Variants in ANP32B observed in about 807,000 individuals in gnomAD.
ANP32B encodes the protein acidic leucine-rich nuclear phosphoprotein 32 family member B.
A neutral mutation model predicts 32.2 loss-of-function variants in ANP32B; 6 were observed. The observed-to-expected ratio is 0.19, with a 90% CI of 0.10 to 0.37. The LOEUF (loss-of-function observed/expected upper bound fraction) is 0.37. Ranked by LOEUF, ANP32B falls within the 10% of genes least tolerant of loss-of-function variation. ANP32B has a pLI of 1.00. For missense variants in ANP32B, 204 were observed against 289.2 expected (o/e 0.71, Z 2.14); for synonymous variants, 98 against 105.8 (o/e 0.93, Z 0.45).
rs761343165 is a variant in ANP32B, at chr9:98,011,379, T to G, written c.626T>G (p.Val209Gly). 3.8e-6 allele frequency: 6 copies of G among 1,583,510 alleles called. No homozygotes were observed. In the South Asian group the frequency reaches 6.9e-5, roughly 18 times the overall value. The change falls in exon 5 of 7, where the codon GTC (valine) becomes GGC (glycine). Residue 209 changes from valine (V) to glycine (G), a missense_variant. Coordinates refer to ENST00000339399, the MANE Select transcript of ANP32B (RefSeq NM_006401.3). ...DVEGDEDDDE[V>G]SEEEEEFGLD... ...GAAGGGGATGAGGACGACGATGAAG[T>G]CAGTGAGGAGGTCAGTGCAGCTGTT...
At chr9:97,997,160 T>C (rs1827918864) in intron 2 of ANP32B, among the ~76,000 whole-genome samples, 1 of 152,214 alleles carries the variant, frequency 6.6e-6, no homozygotes, top group Admixed American at 6.5e-5. Context: ...ATCTCTGTTT[T>C]TATTTTGATT....
At chr9:97,988,117 G>C (rs111444442) in intron 1 of ANP32B, among the ~76,000 whole-genome samples, 1 of 151,674 alleles carries the variant, frequency 6.6e-6, no homozygotes, top group African/African-American at 2.4e-5. Context: ...TAATCCAAAT[G>C]CTAGCTAGCT....
chr9:98,011,338 TGAAGATGAA>T lies in ANP32B; in HGVS notation c.588_596del (p.Glu196_Glu198del), dbSNP rs1373982700. On this transcript the variant is annotated inframe_deletion, in exon 5 of 7. Coordinates refer to ENST00000339399, the MANE Select transcript of ANP32B (RefSeq NM_006401.3). ...AAGAGGAGTTTGATGAAGAAGATGA[TGAAGATGAA>T]GATGTAGAAGGGGATGAGGACGACG... The T allele has an allele frequency of 2.6e-6, 4 of 1,550,178 alleles. No individual in the cohort carries two copies. The highest frequency in any genetic ancestry group is 3.5e-6 in the Non-Finnish European group (4 of 1,142,116).
rs535109796 is a variant in ANP32B, at chr9:97,999,102, C to G, written c.327+424C>G. On this transcript the variant is annotated intron_variant, in intron 3 of 6. Transcript: ENST00000339399. ...GATTACAGGCGTGAGCCACCGCGCC[C>G]GGCCGAAAGTGGTGGCTTTTTACTT... Among the ~76,000 whole-genome samples the G allele has an allele frequency of 8.1e-5, 2 of 24,658 alleles. 1 individual carries two copies. The highest frequency in any genetic ancestry group is 5.4e-4 in the Admixed American group (2 of 3,680). The allele number at this position is 24,658 out of a possible 152,430, so 16.2% of individuals were successfully genotyped here.
At chr9:98,011,231 G>A (rs1170518379) in intron 4 of ANP32B, 40 bp from the exon 5 acceptor site, 10 of 1,546,326 alleles carry the variant, frequency 6.5e-6, no homozygotes, top group African/African-American at 5.5e-5. Context: ...CCTGTGGAGC[G>A]TCGAGGATAT....
intron 6 of ANP32B, among the ~76,000 whole-genome samples, chr9:98,014,471 T>C (rs1828241489): frequency 6.6e-6 from 1 of 152,156 alleles, no homozygotes. Context: ...AAAATAACCA[T>C]GGATTTTATT....
chr9:97,993,882 T>A (rs1205505839), intron 1 of ANP32B, among the ~76,000 whole-genome samples: 4 of 152,152 alleles, frequency 2.6e-5, no homozygotes, highest in Non-Finnish European at 5.9e-5. Context: ...ATCTGCCCAC[T>A]TCAGCCTCCC....
At chr9:97,986,116 C>A (rs577545644) in intron 1 of ANP32B, among the ~76,000 whole-genome samples, 1 of 152,232 alleles carries the variant, frequency 6.6e-6, no homozygotes, top group South Asian at 2.1e-4. Context: ...CCACCGCCCC[C>A]GGCCACCAGT....
rs545469294 is a variant in ANP32B, at chr9:98,000,213, A to G, written c.327+1535A>G. 1.3e-3 allele frequency among the ~76,000 whole-genome samples: 201 copies of G among 152,276 alleles called. 1 individual carries two copies. Among genetic ancestry groups the G allele is most frequent in the African/African-American group, 4.7e-3 (195 of 41,532 alleles). On this transcript the variant is annotated intron_variant, in intron 3 of 6. Transcript: ENST00000339399. Reference sequence around the variant, plus strand: ...AGGCTGGTCTTGAACTCCTGCCCTCAAGTGATCCTTCCATCTCGACCTCCC... The same window carrying G: ...AGGCTGGTCTTGAACTCCTGCCCTCGAGTGATCCTTCCATCTCGACCTCCC...
chr9:98,013,936 C>T (rs1303749152), intron 6 of ANP32B, among the ~76,000 whole-genome samples: 1 of 152,064 alleles, frequency 6.6e-6, no homozygotes, highest in Non-Finnish European at 1.5e-5. Context: ...GGGAGGACTG[C>T]TTGAAGTTGC....
At chr9:98,010,868 A>G (rs1167375572) in intron 4 of ANP32B, among the ~76,000 whole-genome samples, 1 of 152,062 alleles carries the variant, frequency 6.6e-6, no homozygotes, top group Non-Finnish European at 1.5e-5. Context: ...TTTTACTGTC[A>G]AAAATTTCAG....
intron 1 of ANP32B, among the ~76,000 whole-genome samples, chr9:97,987,194 C>G (rs981355863): frequency 6.6e-6 from 1 of 152,068 alleles, no homozygotes; most frequent in African/African-American, 2.4e-5. Flanking sequence ...TTATTTTTTT[C>G]TAAGTCCAAA....
intron 2 of ANP32B, among the ~76,000 whole-genome samples, chr9:97,996,890 G>A (rs922057207): frequency 2.6e-5 from 4 of 151,898 alleles, no homozygotes; most frequent in Admixed American, 6.6e-5. Context: ...GTGAGCCACC[G>A]TGCCCGGCCC....
At chr9:98,000,795 G>A (rs538680689) in intron 3 of ANP32B, among the ~76,000 whole-genome samples, 13 of 151,842 alleles carry the variant, frequency 8.6e-5, no homozygotes, top group Admixed American at 7.9e-4. Context: ...GGTGGCAGGC[G>A]CCTATAATTC....
chr9:98,010,498 A>G (rs748015128), intron 4 of ANP32B, among the ~76,000 whole-genome samples: 1 of 152,206 alleles, frequency 6.6e-6, no homozygotes, highest in South Asian at 2.1e-4. Context: ...GAAGCACCAC[A>G]TACTCATGGT....
intron 1 of ANP32B, among the ~76,000 whole-genome samples, chr9:97,989,285 A>G (rs1827786718): frequency 6.6e-6 from 1 of 152,162 alleles, no homozygotes. Context: ...ATATAGTTCA[A>G]ATTTTTCAAT....
chr9:97,996,683 TC>T (rs1412608819), intron 2 of ANP32B, among the ~76,000 whole-genome samples: 1 of 152,072 alleles, frequency 6.6e-6, no homozygotes, highest in Non-Finnish European at 1.5e-5. Context: ...AACCTCCGCC[TC>T]CCAGGTTCAA....
chr9:98,000,603 C>G (rs1827973832), intron 3 of ANP32B, among the ~76,000 whole-genome samples: 1 of 152,082 alleles, frequency 6.6e-6, no homozygotes, highest in Non-Finnish European at 1.5e-5. Flanking sequence ...GATAATTGCT[C>G]AGGAGAAATG....
chr9:98,008,845 C>G (rs1342642094), intron 4 of ANP32B, among the ~76,000 whole-genome samples: 2 of 152,046 alleles, frequency 1.3e-5, no homozygotes, highest in African/African-American at 4.8e-5. Flanking sequence ...AAATAAAGTG[C>G]AGAATAAACA....
Sources: gnomAD v4.1 joint callset for allele counts (sites outside exome capture counted in the v4.1 genomes callset) on GRCh38, gnomAD v4.1.1 for gene constraint, MANE v1.5 for transcripts, NCBI Gene and HGNC (gene_info 2026-07-23, HGNC 2026-07-21) for gene names.